SLC39A14: variants seen among roughly 807,000 people sequenced by gnomAD.
SLC39A14 encodes metal cation symporter ZIP14.
In SLC39A14, 19 loss-of-function variants were observed where a neutral mutation model predicts 45.5. That is an observed-to-expected ratio of 0.42 (90% CI 0.29 to 0.61). SLC39A14 has a LOEUF of 0.61. Ranked by LOEUF, SLC39A14 falls within the 20% of genes least tolerant of loss-of-function variation. SLC39A14 has a pLI of 0.22. For missense variants in SLC39A14, 447 were observed against 616.5 expected, an observed-to-expected ratio of 0.73 and a Z score of 2.91; for synonymous variants, 264 against 251.3, an observed-to-expected ratio of 1.05 and a Z score of -0.48.
At chr8:22,432,243 G>C (rs1160726658) in intron 8 of SLC39A14, among the ~76,000 whole-genome samples, 1 of 152,038 alleles carries the variant, frequency 6.6e-6, no homozygotes, top group Non-Finnish European at 1.5e-5. Flanking sequence ...GAGGTTAGAG[G>C]ATCACTTGAG....
chr8:22,396,600 A>T (rs11985555), intron 1 of SLC39A14, among the ~76,000 whole-genome samples: 3 of 25,190 alleles, frequency 1.2e-4, no homozygotes, highest in African/African-American at 2.5e-4. Context: ...GAGAGAGAGA[A>T]GACTAAGTGG....
rs17060853 is a variant in SLC39A14 at position 22,414,654 on chromosome 8, C to T, written c.628-126C>T. The T allele has an allele frequency of 5.7e-3, 5,627 of 986,806 alleles. 223 individuals are homozygous for T. The African/African-American group carries it at 0.086, about 15-fold the overall frequency. The allele number at this position is 986,806 out of a possible 1,614,324, so 61.1% of individuals were successfully genotyped here. ...TTTTGCTGGAAAGAGGATGGGTAGA[C>T]GGCAGAGTTACTCCATTATGCCTCT... On this transcript the variant is annotated intron_variant, in intron 4 of 8. Transcript: ENST00000381237.
At chr8:22,409,844 T>C (rs781456139) in intron 3 of SLC39A14, 30 of 1,187,862 alleles carry the variant, frequency 2.5e-5, no homozygotes, top group Non-Finnish European at 3.3e-5. Flanking sequence ...TGGATCTCAG[T>C]CTGCCCCATC....
At chr8:22,406,680 G>A (rs559302219) in intron 2 of SLC39A14, among the ~76,000 whole-genome samples, 22 of 152,128 alleles carry the variant, frequency 1.4e-4, no homozygotes, top group Non-Finnish European at 2.2e-4. Context: ...GACAGAGCGA[G>A]ACTCCATCTC....
At position 22,408,623 on chromosome 8, in the gene SLC39A14, G is replaced by A. The variant is rs565036720; in HGVS notation, c.457+127G>A. ...AGTGATGACCAGGATGAGGTTGTCG[G>A]TGTCAGGAGCGGGAGCGATGATTGG... On this transcript the variant is annotated intron_variant, in intron 3 of 8. Coordinates refer to ENST00000381237, the MANE Select transcript of SLC39A14 (RefSeq NM_001128431.4). The A allele has an allele frequency of 5.9e-6, 5 of 852,214 alleles. No homozygotes were observed. In the Admixed American group the frequency reaches 1.5e-4, roughly 25 times the overall value. 52.8% of individuals were successfully genotyped at this position (852,214 alleles called of 1,614,324 possible).
intron 3 of SLC39A14, chr8:22,409,888 G>A: frequency 8.8e-6 from 14 of 1,591,476 alleles, no homozygotes; most frequent in Non-Finnish European, 1.1e-5. Flanking sequence ...GCCCCAGGCA[G>A]CAGGAGTGTC....
rs1406096777 is a variant in SLC39A14 at position 22,420,899 on chromosome 8, C to CA, written c.*1208dup. The CA allele has an allele frequency of 1.8e-5, 18 of 985,352 alleles. No homozygotes were observed. The highest frequency in any genetic ancestry group is 2.2e-5 in the Non-Finnish European group (18 of 829,882). 61.0% of individuals were successfully genotyped at this position (985,352 alleles called of 1,614,324 possible). On this transcript the variant is annotated 3_prime_UTR_variant, in exon 9 of 9. Transcript: ENST00000381237. ...ACCCGTCTAGGTTACTGCTTCCTTG[C>CA]AAAAAAAGTCGAATCCTGCATTGAA...
chr8:22,419,028 A>G (rs886668154), intron 8 of SLC39A14, among the ~76,000 whole-genome samples: 1 of 66,118 alleles, frequency 1.5e-5, no homozygotes, highest in Non-Finnish European at 3.6e-5. Context: ...GGAAAAAAGG[A>G]AAAAAAAAAG....
intron 1 of SLC39A14, among the ~76,000 whole-genome samples, chr8:22,383,006 CCG>C (rs1438871290): frequency 2.6e-5 from 4 of 152,046 alleles, no homozygotes; most frequent in Non-Finnish European, 5.9e-5. Flanking sequence ...GCGTGAGTCA[CCG>C]CGGCCGGTGG....
chr8:22,414,088 A>G (rs1835737078), intron 4 of SLC39A14, among the ~76,000 whole-genome samples: 2 of 152,146 alleles, frequency 1.3e-5, no homozygotes, highest in Admixed American at 1.3e-4. Context: ...CACATTCACA[A>G]GAACCCACCA....
intron 8 of SLC39A14, among the ~76,000 whole-genome samples, chr8:22,428,409 A>C (rs1387536618): frequency 6.6e-6 from 1 of 151,836 alleles, no homozygotes; most frequent in Non-Finnish European, 1.5e-5. Flanking sequence ...TTAGCTTAGT[A>C]GAAAAATTTT....
chr8:22,414,870 A>T lies in SLC39A14; in HGVS notation c.718A>T (p.Ile240Phe). The T allele has an allele frequency of 6.2e-7, 1 of 1,613,308 alleles. No individual in the cohort carries two copies. The highest frequency in any genetic ancestry group is 8.5e-7 in the Non-Finnish European group (1 of 1,179,860). The part of the protein sequence containing the change: ...GFYLFFFTEK[I>F]LKILLKQKNE... ...TTATCTTTTCTTTTTCACAGAGAAGATCTTGAAGATTCTTCTTAAGCAGAA... is the reference window on the plus strand; with the variant it reads ...TTATCTTTTCTTTTTCACAGAGAAGTTCTTGAAGATTCTTCTTAAGCAGAA... Residue 240 changes from isoleucine to phenylalanine, a missense_variant, in exon 5 of 9, where the codon ATC becomes TTC. Transcript: ENST00000381237.
intron 8 of SLC39A14, among the ~76,000 whole-genome samples, chr8:22,431,006 T>C (rs1378428289): frequency 2.1e-5 from 3 of 145,016 alleles, no homozygotes; most frequent in South Asian, 2.2e-4. Flanking sequence ...TTTTTTTTTT[T>C]TGATGGAGTC....
chr8:22,368,067 G>C lies in SLC39A14; in HGVS notation c.-16+659G>C, dbSNP rs145174071. ...CAGTTGAGCCGGGAAAATTTCGTCAGCTCTGGACTAGGGGTTCACTTTTGA... is the reference window on the plus strand; with the variant it reads ...CAGTTGAGCCGGGAAAATTTCGTCACCTCTGGACTAGGGGTTCACTTTTGA... On this transcript the variant is annotated intron_variant, in intron 1 of 8. Coordinates refer to ENST00000381237, the MANE Select transcript of SLC39A14 (RefSeq NM_001128431.4). 1.0e-3 allele frequency among the ~76,000 whole-genome samples: 158 copies of C among 152,268 alleles called. 1 individual carries two copies. The highest frequency in any genetic ancestry group is 3.6e-3 in the African/African-American group (149 of 41,564).
intron 3 of SLC39A14, among the ~76,000 whole-genome samples, chr8:22,409,583 T>C (rs1835445429): frequency 6.6e-6 from 1 of 152,032 alleles, no homozygotes; most frequent in Admixed American, 6.5e-5. Flanking sequence ...GGTTTCACCA[T>C]GTTAGTCAGG....
intron 4 of SLC39A14, 125 bp downstream of exon 4, chr8:22,412,331 CT>C: frequency 9.7e-7 from 1 of 1,032,366 alleles, no homozygotes; most frequent in Non-Finnish European, 1.4e-6. Flanking sequence ...GAAGCTAGAA[CT>C]TAGGCGTGAA....
At chr8:22,373,999 C>CG (rs1297640244) in intron 1 of SLC39A14, among the ~76,000 whole-genome samples, 1 of 151,236 alleles carries the variant, frequency 6.6e-6, no homozygotes, top group Non-Finnish European at 1.5e-5. Flanking sequence ...CTCAAGTGAT[C>CG]CACCGGTCTT....
In SLC39A14 at chr8:22,412,216, G is replaced by T. The variant is rs1294594318; in HGVS notation, c.627+10G>T. On this transcript the variant is annotated intron_variant, in intron 4 of 8. Transcript: ENST00000381237. ...CCAGCTCATCCCGGAGGTATGGCAA[G>T]CCAGGGCCTTCACCCCGGAGCATGC... is the stretch of plus-strand genomic sequence containing the variant. The T allele has an allele frequency of 6.4e-7, 1 of 1,551,338 alleles. No individual in the cohort carries two copies.
rs1200544661 is a variant in SLC39A14 at position 22,432,813 on chromosome 8, A to AT, written c.1333-1074dup. 1.4e-3 allele frequency among the ~76,000 whole-genome samples: 145 copies of AT among 103,568 alleles called. 4 individuals carry two copies. The highest frequency in any genetic ancestry group is 5.4e-3 in the African/African-American group (119 of 22,074). The allele number at this position is 103,568 out of a possible 152,430, so 67.9% of individuals were successfully genotyped here. A position where few individuals can be genotyped will look rare whatever the true frequency, so the allele number is the denominator to read the frequency against. On this transcript the variant is annotated intron_variant, in intron 8 of 8. Transcript: ENST00000240095. ...CAGGCACCCGCCACAACACCCGGCT[A>AT]TTTTGTTTTTTTTTTTTTTTTGTAG...
Sources: gnomAD v4.1 joint callset for allele counts (sites outside exome capture counted in the v4.1 genomes callset) on GRCh38, gnomAD v4.1.1 for gene constraint, MANE v1.5 for transcripts, NCBI Gene and HGNC (gene_info 2026-07-23, HGNC 2026-07-21) for gene names.